The following RNLS variants were observed in gnomAD, a reference collection of about 807,000 sequenced individuals.
RNLS encodes renalase, FAD dependent amine oxidase, also known as renalase.
RNLS carries 39 observed loss-of-function variants against 39.8 expected under a neutral mutation model. That is an observed-to-expected ratio of 0.98 (90% CI 0.76 to 1.28). RNLS has a LOEUF of 1.28. Ranked by LOEUF, RNLS falls within the 50% of genes most tolerant of loss-of-function variation. The probability of loss-of-function intolerance (pLI) is 0.00; values close to 1 mark genes in which losing one functional copy is unlikely to be tolerated. For missense variants in RNLS, 410 were observed against 413.3 expected, an observed-to-expected ratio of 0.99 and a Z score of 0.07; for synonymous variants, 147 against 150.7, an observed-to-expected ratio of 0.98 and a Z score of 0.18.
chr10:88,501,803 G>T (rs1305422066), intron 4 of RNLS, among the ~76,000 whole-genome samples: 1 of 151,974 alleles, frequency 6.6e-6, no homozygotes, highest in Admixed American at 6.6e-5. Flanking sequence ...CTTTAAAAAA[G>T]CAAACAATTA....
chr10:88,493,037 A>G (rs959291597), intron 4 of RNLS, among the ~76,000 whole-genome samples: 2 of 152,144 alleles, frequency 1.3e-5, no homozygotes, highest in Non-Finnish European at 2.9e-5. Flanking sequence ...ACCAACTGAC[A>G]TTTTATACTA....
At chr10:88,199,009 GC>G in the RNLS span, among the ~76,000 whole-genome samples, 2 of 152,036 alleles carry the variant, frequency 1.3e-5, no homozygotes, top group African/African-American at 4.8e-5. Flanking sequence ...CACCATTTTG[GC>G]CCCAGCAAAG....
intron 5 of RNLS, among the ~76,000 whole-genome samples, chr10:88,346,011 C>T (rs895408512): frequency 2.0e-5 from 3 of 152,050 alleles, no homozygotes; most frequent in Non-Finnish European, 4.4e-5. Context: ...ATTAATCACT[C>T]ACCAAGTTGG....
At chr10:88,254,290 C>T in the RNLS span, among the ~76,000 whole-genome samples, 182 of 152,330 alleles carry the variant, frequency 1.2e-3, no homozygotes, top group Non-Finnish European at 2.2e-3. Context: ...CTAACTCCTG[C>T]CACACTGAAT....
Position 88,566,592 on chromosome 10 carries a change from A to G in RNLS, c.526+6311T>C, listed in dbSNP as rs1017666223. Among the ~76,000 whole-genome samples, 4 of 152,232 alleles carry G rather than the reference A, an allele frequency of 2.6e-5. No individual in the cohort carries two copies. In the South Asian group the frequency reaches 8.3e-4, roughly 32 times the overall value. ...ATTAGTTCAGTAACAGTAAAAGAAT[A>G]CAGGACCTCTTTGAAACAATACCTC... On this transcript the variant is annotated intron_variant, in intron 4 of 6. Transcript: ENST00000331772.
intron 4 of RNLS, among the ~76,000 whole-genome samples, chr10:88,421,030 G>C (rs1333808448): frequency 3.3e-5 from 5 of 152,216 alleles, no homozygotes; most frequent in African/African-American, 1.2e-4. Context: ...GACCACTGAG[G>C]AACGTCCCAC....
At chr10:88,226,047 G>C in the RNLS span, among the ~76,000 whole-genome samples, 1 of 152,178 alleles carries the variant, frequency 6.6e-6, no homozygotes, top group Middle Eastern at 3.4e-3. Context: ...TTTTAAAAAT[G>C]TTATTGTGTT....
intron 4 of RNLS, among the ~76,000 whole-genome samples, chr10:88,568,389 T>A (rs947863764): frequency 3.3e-5 from 5 of 152,240 alleles, no homozygotes; most frequent in African/African-American, 1.2e-4. Context: ...CAAAATTTAC[T>A]AATTACAGAC....
At chr10:88,301,852 G>GAGTGAGAAACAAAAGAGAAAA (rs1844550382) in intron 6 of RNLS, among the ~76,000 whole-genome samples, 3 of 152,158 alleles carry the variant, frequency 2.0e-5, no homozygotes, top group Admixed American at 2.0e-4. Flanking sequence ...AAAGATAAAA[G>GAGTGAGAAACAAAAGAGAAAA]AGTGAGAAAC....
chr10:88,536,148 C>A (rs1250767070), intron 4 of RNLS, among the ~76,000 whole-genome samples: 1 of 152,062 alleles, frequency 6.6e-6, no homozygotes, highest in Non-Finnish European at 1.5e-5. Context: ...TGGCCATATA[C>A]TGGGTATAAT....
the RNLS span, among the ~76,000 whole-genome samples, chr10:88,245,046 A>C: frequency 3.3e-5 from 5 of 152,212 alleles, no homozygotes; most frequent in Non-Finnish European, 5.9e-5. Flanking sequence ...ATTTTCCCAC[A>C]GGGTAAAGGG....
rs751322858 is a variant in RNLS, at chr10:88,330,084, TATATATAA to T, written c.701-15451_701-15444del. ...GTCTGTTTTGAGATATATATATATA[TATATATAA>T]ATATAAATATATATACACACACTAT... On this transcript the variant is annotated intron_variant, in intron 5 of 6. Transcript: ENST00000331772. 5.8e-3 allele frequency among the ~76,000 whole-genome samples: 790 copies of T among 135,934 alleles called. 4 individuals are homozygous for T. The highest frequency in any genetic ancestry group is 8.3e-3 in the South Asian group (35 of 4,242). 89.2% of individuals were successfully genotyped at this position (135,934 alleles called of 152,430 possible). A position where few individuals can be genotyped will look rare whatever the true frequency, so the allele number is the denominator to read the frequency against.
chr10:88,536,334 T>C (rs1250339534), intron 4 of RNLS, among the ~76,000 whole-genome samples: 1 of 152,092 alleles, frequency 6.6e-6, no homozygotes, highest in Non-Finnish European at 1.5e-5. Context: ...CAGCCCACTT[T>C]CTCCTTTGCG....
chr10:88,336,497 A>C (rs1009187643), intron 5 of RNLS, among the ~76,000 whole-genome samples: 6 of 152,204 alleles, frequency 3.9e-5, no homozygotes, highest in African/African-American at 1.4e-4. Context: ...AAGTGTGTAA[A>C]ACCCCACACG....
intron 6 of RNLS, chr10:88,275,088 G>T: frequency 8.0e-7 from 1 of 1,249,826 alleles, no homozygotes; most frequent in Non-Finnish European, 1.2e-6. Context: ...AATGGCCTCT[G>T]ACACCTTGTC....
intron 4 of RNLS, among the ~76,000 whole-genome samples, chr10:88,400,078 G>A (rs1841500055): frequency 6.6e-6 from 1 of 151,974 alleles, no homozygotes; most frequent in Non-Finnish European, 1.5e-5. Flanking sequence ...GGACACTTGT[G>A]ACTGGATACA....
intron 6 of RNLS, among the ~76,000 whole-genome samples, chr10:88,293,098 G>T (rs1843793593): frequency 6.6e-6 from 1 of 151,970 alleles, no homozygotes; most frequent in African/African-American, 2.4e-5. Flanking sequence ...TCCAATGTCT[G>T]ACAGTGACTT....
intron 4 of RNLS, among the ~76,000 whole-genome samples, chr10:88,366,637 A>G (rs1850121995): frequency 7.5e-6 from 1 of 132,852 alleles, no homozygotes; most frequent in Non-Finnish European, 1.6e-5. Context: ...CTGACCTGAG[A>G]GATTAGGGGA....
intron 4 of RNLS, among the ~76,000 whole-genome samples, chr10:88,363,812 T>C (rs1050245007): frequency 1.3e-5 from 2 of 152,198 alleles, no homozygotes; most frequent in East Asian, 1.9e-4. Flanking sequence ...GTCAAACTAC[T>C]TAATTGCTCT....
Sources: gnomAD v4.1 joint callset for allele counts (sites outside exome capture counted in the v4.1 genomes callset) on GRCh38, gnomAD v4.1.1 for gene constraint, MANE v1.5 for transcripts, NCBI Gene and HGNC (gene_info 2026-07-23, HGNC 2026-07-21) for gene names.